SEMA3E: variants seen among roughly 807,000 people sequenced by gnomAD.
SEMA3E encodes semaphorin 3E, also known as semaphorin-3E.
Under a neutral mutation model 93.6 loss-of-function variants are expected in SEMA3E, and 49 were observed. The ratio of observed to expected loss-of-function variants is 0.52; its 90% confidence interval spans 0.42 to 0.66. The LOEUF is 0.66. Among genes scored for constraint, SEMA3E ranks in the 30% least tolerant of loss-of-function variants. SEMA3E has a pLI of 0.00. For missense variants in SEMA3E, 906 were observed against 964.8 expected, an observed-to-expected ratio of 0.94 and a Z score of 0.81; for synonymous variants, 363 against 330.7, an observed-to-expected ratio of 1.10 and a Z score of -1.06.
chr7:83,649,115 T>C lies in SEMA3E; in HGVS notation c.-573A>G, dbSNP rs1584386655. Reference sequence around the variant, plus strand: ...CAGGGATGCAGTCTGTCAGTGGCTGTTTACAGGAAAGTTCAGGCAGGGTTG... The same window carrying C: ...CAGGGATGCAGTCTGTCAGTGGCTGCTTACAGGAAAGTTCAGGCAGGGTTG... On this transcript the variant is annotated 5_prime_UTR_variant, in exon 1 of 17. Coordinates refer to ENST00000643230, the MANE Select transcript of SEMA3E (RefSeq NM_012431.3). The C allele has an allele frequency of 6.5e-6, 1 of 154,754 alleles. No homozygotes were observed. Among genetic ancestry groups the C allele is most frequent in the Non-Finnish European group, 1.4e-5 (1 of 69,718 alleles). 9.6% of individuals were successfully genotyped at this position (154,754 alleles called of 1,614,324 possible).
rs372732406 is a variant in SEMA3E at position 83,574,333 on chromosome 7, GA to G, written c.115+74094del. Among the ~76,000 whole-genome samples, 20 of 151,886 alleles carry G rather than the reference GA, an allele frequency of 1.3e-4. No homozygotes were observed. The South Asian group carries it at 3.7e-3, about 28-fold the overall frequency. Reference sequence around the variant, plus strand: ...GTAGTATAAATGAGAATGGGTAAAAGAAAATGATATGGCATAGAGCCAGGAG... The same window carrying G: ...GTAGTATAAATGAGAATGGGTAAAAGAAATGATATGGCATAGAGCCAGGAG... On this transcript the variant is annotated intron_variant, in intron 1 of 16. Transcript: ENST00000643230.
At chr7:83,514,413 C>T (rs907742128) in intron 1 of SEMA3E, among the ~76,000 whole-genome samples, 5 of 151,984 alleles carry the variant, frequency 3.3e-5, no homozygotes, top group South Asian at 2.1e-4. Flanking sequence ...GGGTCTGGAT[C>T]GAGACCCCTT....
At chr7:83,516,005 C>T (rs1790920112) in intron 1 of SEMA3E, among the ~76,000 whole-genome samples, 1 of 152,042 alleles carries the variant, frequency 6.6e-6, no homozygotes, top group Admixed American at 6.6e-5. Context: ...TGAGCCTGGG[C>T]GACAGAGTAA....
intron 4 of SEMA3E, among the ~76,000 whole-genome samples, chr7:83,434,881 T>A (rs1159177863): frequency 6.6e-6 from 1 of 151,100 alleles, no homozygotes. Context: ...GCCCGGCTAA[T>A]TTTTTGTATT....
intron 4 of SEMA3E, among the ~76,000 whole-genome samples, chr7:83,420,036 A>C (rs1003044650): frequency 6.6e-6 from 1 of 152,182 alleles, no homozygotes; most frequent in Non-Finnish European, 1.5e-5. Flanking sequence ...CTATACCTAG[A>C]AAATTCTAAA....
At chr7:83,648,383 CTTT>C (rs372307036) in intron 1 of SEMA3E, 42 bp downstream of exon 1, 665 of 1,155,896 alleles carry the variant, frequency 5.8e-4, no homozygotes, top group Non-Finnish European at 7.0e-4. Context: ...TTTTCTTTTT[CTTT>C]TTTTTTTTTT....
chr7:83,390,016 C>CGT (rs374917127), intron 14 of SEMA3E, among the ~76,000 whole-genome samples: 7,134 of 112,082 alleles, frequency 0.064, 1,245 homozygotes, highest in African/African-American at 0.25. Flanking sequence ...CATATATACG[C>CGT]GTATATGTGT....
intron 1 of SEMA3E, among the ~76,000 whole-genome samples, chr7:83,495,097 T>C (rs918842050): frequency 5.3e-5 from 8 of 151,976 alleles, no homozygotes; most frequent in African/African-American, 1.9e-4. Context: ...TTACAATCTG[T>C]ATTTCTGCTA....
At chr7:83,506,306 G>A (rs114920106) in intron 1 of SEMA3E, among the ~76,000 whole-genome samples, 378 of 152,018 alleles carry the variant, frequency 2.5e-3, no homozygotes, top group African/African-American at 8.6e-3. Flanking sequence ...ATAAGATCCA[G>A]TCATTTGCAA....
At chr7:83,561,199 C>T (rs756148405) in intron 1 of SEMA3E, among the ~76,000 whole-genome samples, 3 of 151,972 alleles carry the variant, frequency 2.0e-5, no homozygotes, top group South Asian at 2.1e-4. Context: ...GAATTAGTCA[C>T]GGTTTTTCAA....
At chr7:83,474,691 A>T (rs752466077) in intron 2 of SEMA3E, among the ~76,000 whole-genome samples, 1 of 152,212 alleles carries the variant, frequency 6.6e-6, no homozygotes, top group African/African-American at 2.4e-5. Flanking sequence ...TTTAGGAAAG[A>T]TATCAGTCAA....
chr7:83,551,086 A>G (rs1372457927), intron 1 of SEMA3E, among the ~76,000 whole-genome samples: 3 of 152,166 alleles, frequency 2.0e-5, no homozygotes, highest in Non-Finnish European at 2.9e-5. Flanking sequence ...TGGTAGAACT[A>G]TAAGTTGTAA....
At chr7:83,475,891 T>A (rs1456472558) in intron 2 of SEMA3E, among the ~76,000 whole-genome samples, 2 of 152,204 alleles carry the variant, frequency 1.3e-5, no homozygotes, top group Non-Finnish European at 2.9e-5. Context: ...GCTGTAAGAA[T>A]AACAAAACTA....
At chr7:83,594,932 G>A (rs1226647329) in intron 1 of SEMA3E, among the ~76,000 whole-genome samples, 1 of 149,370 alleles carries the variant, frequency 6.7e-6, no homozygotes, top group South Asian at 2.1e-4. Flanking sequence ...GGGGAGGGCT[G>A]AGTTTTCCAG....
intron 4 of SEMA3E, among the ~76,000 whole-genome samples, chr7:83,455,955 G>T (rs144227964): frequency 3.3e-4 from 51 of 152,336 alleles, no homozygotes; most frequent in African/African-American, 1.2e-3. Context: ...AGCCTTGGGA[G>T]ACCTTTAGCA....
intron 1 of SEMA3E, among the ~76,000 whole-genome samples, chr7:83,630,341 A>G (rs1209922639): frequency 6.6e-6 from 1 of 152,180 alleles, no homozygotes; most frequent in Non-Finnish European, 1.5e-5. Flanking sequence ...ATTTCCTCAT[A>G]TTGATGAGAT....
chr7:83,612,876 C>T (rs552800459), intron 1 of SEMA3E, among the ~76,000 whole-genome samples: 22 of 152,080 alleles, frequency 1.4e-4, no homozygotes, highest in African/African-American at 5.1e-4. Flanking sequence ...AGAAAACTAA[C>T]CTGTATACCA....
chr7:83,466,413 A>T, intron 4 of SEMA3E, 69 bp downstream of exon 4: 1 of 1,553,560 alleles, frequency 6.4e-7, no homozygotes, highest in Non-Finnish European at 8.9e-7. Flanking sequence ...GAAATGCTGT[A>T]GTCTTTCTTT....
intron 1 of SEMA3E, among the ~76,000 whole-genome samples, chr7:83,500,319 C>G (rs1274147355): frequency 1.3e-5 from 2 of 152,014 alleles, no homozygotes; most frequent in African/African-American, 4.8e-5. Flanking sequence ...ACCTGCAGTC[C>G]CAGCTACTAG....
Sources: gnomAD v4.1 joint callset for allele counts (sites outside exome capture counted in the v4.1 genomes callset) on GRCh38, gnomAD v4.1.1 for gene constraint, MANE v1.5 for transcripts, NCBI Gene and HGNC (gene_info 2026-07-23, HGNC 2026-07-21) for gene names.